Variants in RGS7 observed in about 807,000 individuals in gnomAD.
The protein encoded by RGS7 is regulator of G protein signaling 7, also known as regulator of G-protein signaling 7.
Under a neutral mutation model 81.1 loss-of-function variants are expected in RGS7, and 27 were observed. The ratio of observed to expected loss-of-function variants is 0.33; its 90% CI spans 0.25 to 0.46. The LOEUF is 0.46. RGS7 is among the 20% of genes least tolerant of loss of function. RGS7 has a pLI of 1.00. For missense variants in RGS7, 396 were observed against 607.4 expected (o/e 0.65, Z 3.66); for synonymous variants, 208 against 207.7 (o/e 1.00, Z -0.01).
At chr1:240,798,623 C>T (rs1687470593) in intron 18 of RGS7, among the ~76,000 whole-genome samples, 1 of 152,140 alleles carries the variant, frequency 6.6e-6, no homozygotes, top group African/African-American at 2.4e-5. Flanking sequence ...AAATTATGCA[C>T]CTCCTTTGAC....
intron 2 of RGS7, among the ~76,000 whole-genome samples, chr1:241,208,753 G>A (rs1262339787): frequency 6.6e-6 from 1 of 152,132 alleles, no homozygotes; most frequent in Non-Finnish European, 1.5e-5. Flanking sequence ...CCAATTTGCC[G>A]ACGTGGTCTG....
intron 2 of RGS7, among the ~76,000 whole-genome samples, chr1:241,159,909 T>G (rs948167075): frequency 9.9e-5 from 15 of 152,084 alleles, no homozygotes; most frequent in South Asian, 8.3e-4. Context: ...GGTCATTTCA[T>G]CATGCGTTTG....
At chr1:241,282,556 TC>T (rs1252221046) in intron 2 of RGS7, among the ~76,000 whole-genome samples, 1 of 152,216 alleles carries the variant, frequency 6.6e-6, no homozygotes, top group Non-Finnish European at 1.5e-5. Flanking sequence ...AAATGTCCTT[TC>T]TTTTTCTTAT....
At chr1:241,165,646 G>GA (rs1230151420) in intron 2 of RGS7, among the ~76,000 whole-genome samples, 1 of 136,240 alleles carries the variant, frequency 7.3e-6, no homozygotes, top group Non-Finnish European at 1.6e-5. Context: ...AGGGGGAGGG[G>GA]GGAGGGATAG....
chr1:240,939,254 T>G (rs1221502025), intron 4 of RGS7, among the ~76,000 whole-genome samples: 6 of 144,510 alleles, frequency 4.2e-5, no homozygotes, highest in Non-Finnish European at 8.9e-5. Context: ...AGTGAATATT[T>G]CCAACACAAA....
At chr1:241,165,015 G>C (rs12096653) in intron 2 of RGS7, among the ~76,000 whole-genome samples, 4,251 of 152,162 alleles carry the variant, frequency 0.028, 206 homozygotes, top group African/African-American at 0.097. Flanking sequence ...CCTGTGTAAG[G>C]GCTCACTCCT....
At chr1:240,835,865 T>C (rs1209735548) in intron 9 of RGS7, among the ~76,000 whole-genome samples, 2 of 152,308 alleles carry the variant, frequency 1.3e-5, no homozygotes, top group East Asian at 3.9e-4. Context: ...TCCAATCATA[T>C]GACATTCTGG....
intron 3 of RGS7, among the ~76,000 whole-genome samples, chr1:241,058,188 T>C (rs1299865011): frequency 1.3e-5 from 2 of 152,098 alleles, no homozygotes; most frequent in Non-Finnish European, 2.9e-5. Flanking sequence ...AGAGGCAAAA[T>C]GGCAGAGTTT....
At chr1:241,220,916 A>G (rs1314640121) in intron 2 of RGS7, among the ~76,000 whole-genome samples, 1 of 148,510 alleles carries the variant, frequency 6.7e-6, no homozygotes, top group African/African-American at 2.5e-5. Context: ...GAAGAAAGGA[A>G]AGGAAGAAAG....
rs376702311 is a variant in RGS7, at chr1:240,806,203, C to T, written c.1206G>A (p.Lys402=). The T allele has an allele frequency of 1.2e-6, 2 of 1,613,904 alleles. No individual in the cohort carries two copies. Among genetic ancestry groups the T allele is most frequent in the African/African-American group, 2.7e-5 (2 of 74,888 alleles). The part of the protein sequence containing the change: ...GAPSAINLDS[K]SYDKTTQNVK... Reference sequence around the variant, plus strand: ...CGTTCTGTGTGGTTTTGTCATAACTCTTGGAATCCAAGTTAATAGCACTGG... The same window carrying T: ...CGTTCTGTGTGGTTTTGTCATAACTTTTGGAATCCAAGTTAATAGCACTGG... The change falls in exon 15 of 19, where the codon AAG becomes AAA. Residue 402 remains lysine (K), a synonymous_variant. Coordinates refer to ENST00000440928, the MANE Select transcript of RGS7 (RefSeq NM_001364886.1).
chr1:241,152,260 A>C (rs1389394717), intron 2 of RGS7, among the ~76,000 whole-genome samples: 1 of 152,176 alleles, frequency 6.6e-6, no homozygotes, highest in East Asian at 1.9e-4. Context: ...GAACAACAAC[A>C]ACAAAAACCC....
chr1:241,253,802 G>C (rs2076935871), intron 2 of RGS7, among the ~76,000 whole-genome samples: 1 of 152,162 alleles, frequency 6.6e-6, no homozygotes, highest in Non-Finnish European at 1.5e-5. Flanking sequence ...GAAGCTGGAA[G>C]TAGAGGAGGC....
chr1:240,903,123 A>C (rs1343154503), intron 6 of RGS7, among the ~76,000 whole-genome samples: 2 of 152,220 alleles, frequency 1.3e-5, no homozygotes, highest in African/African-American at 2.4e-5. Flanking sequence ...GCTGCACAGA[A>C]TTATGAGTGA....
chr1:240,983,770 A>T (rs1223583500), intron 3 of RGS7, among the ~76,000 whole-genome samples: 1 of 152,208 alleles, frequency 6.6e-6, no homozygotes, highest in Non-Finnish European at 1.5e-5. Flanking sequence ...TTGATCACAC[A>T]CCATTGCCCC....
chr1:241,259,645 C>G (rs1271049675), intron 2 of RGS7, among the ~76,000 whole-genome samples: 1 of 24,594 alleles, frequency 4.1e-5, no homozygotes, highest in Non-Finnish European at 7.6e-5. Flanking sequence ...AGCGAAACTC[C>G]GTCTCAAAAA....
chr1:240,784,181 C>CT lies in RGS7; in HGVS notation c.*7-7969dup, dbSNP rs200930965. The stretch of plus-strand genomic sequence containing the variant: ...CAGCCTGGGCTACAAAAGCGAAACT[C>CT]TGTCTCGAAAAAAAAACAAAAAAAC... On this transcript the variant is annotated intron_variant, in intron 18 of 18. Coordinates refer to ENST00000440928, the MANE Select transcript of RGS7 (RefSeq NM_001364886.1). 8.9e-3 allele frequency among the ~76,000 whole-genome samples: 1,344 copies of CT among 150,772 alleles called. 18 individuals are homozygous for CT. Among genetic ancestry groups the CT allele is most frequent in the African/African-American group, 0.031 (1,273 of 41,032 alleles).
chr1:241,292,039 C>A (rs74150251), intron 2 of RGS7, among the ~76,000 whole-genome samples: 1 of 152,154 alleles, frequency 6.6e-6, no homozygotes, highest in Non-Finnish European at 1.5e-5. Context: ...CCTCGGCCTA[C>A]ACAGGGTCCA....
intron 2 of RGS7, among the ~76,000 whole-genome samples, chr1:241,345,937 C>T (rs61827967): frequency 0.22 from 31,221 of 143,008 alleles, 3,994 homozygotes; most frequent in African/African-American, 0.38. Flanking sequence ...AATCACTTGA[C>T]CCAGGAGGCA....
intron 3 of RGS7, 104 bp from the exon 4 acceptor site, chr1:240,983,233 T>G: frequency 1.7e-6 from 1 of 593,796 alleles, no homozygotes. Context: ...GAAGGAACTT[T>G]TCTAATTGTT....
Sources: gnomAD v4.1 joint callset for allele counts (sites outside exome capture counted in the v4.1 genomes callset) on GRCh38, gnomAD v4.1.1 for gene constraint, MANE v1.5 for transcripts, NCBI Gene and HGNC (gene_info 2026-07-23, HGNC 2026-07-21) for gene names.